The following EPHB1 variants were observed in gnomAD, a reference collection of about 807,000 sequenced individuals.
EPHB1 encodes ephrin type-B receptor 1.
Under a neutral mutation model 94.4 loss-of-function variants are expected in EPHB1, and 30 were observed. The observed-to-expected ratio is 0.32, with a 90% confidence interval of 0.24 to 0.43. EPHB1 has a LOEUF of 0.43. EPHB1 is among the 20% of genes least tolerant of loss of function. The pLI, the probability that EPHB1 is intolerant of heterozygous loss-of-function variation, is 1.00. For synonymous variants in EPHB1, 522 were observed against 489.1 expected (o/e 1.07, Z -0.89); for missense variants, 1,055 against 1,308.3 (o/e 0.81, Z 2.99).
intron 1 of EPHB1, among the ~76,000 whole-genome samples, chr3:134,834,817 G>T (rs2036643192): frequency 6.6e-6 from 1 of 152,176 alleles, no homozygotes. Context: ...CTCCACCAGA[G>T]CATTAATTTT....
intron 1 of EPHB1, among the ~76,000 whole-genome samples, chr3:134,858,109 A>T (rs1005156491): frequency 1.3e-5 from 2 of 152,064 alleles, no homozygotes; most frequent in African/African-American, 4.8e-5. Context: ...CTTCAGGCTG[A>T]GGACTCTTTC....
chr3:135,154,863 A>G (rs991888114), intron 6 of EPHB1, among the ~76,000 whole-genome samples: 5 of 152,162 alleles, frequency 3.3e-5, no homozygotes, highest in African/African-American at 1.2e-4. Flanking sequence ...GGCTGCCAAG[A>G]AAAGGGAAAT....
At chr3:135,186,005 A>G (rs1279909953) in intron 10 of EPHB1, among the ~76,000 whole-genome samples, 1 of 152,238 alleles carries the variant, frequency 6.6e-6, no homozygotes, top group African/African-American at 2.4e-5. Flanking sequence ...GTGATCAGTT[A>G]TCAGCGTTAA....
intron 10 of EPHB1, among the ~76,000 whole-genome samples, chr3:135,187,878 C>G (rs1266486395): frequency 1.3e-5 from 2 of 152,136 alleles, no homozygotes; most frequent in Non-Finnish European, 2.9e-5. Context: ...CTGCACTCCC[C>G]CTCCCAACTA....
At chr3:135,168,345 C>T (rs1462018929) in intron 9 of EPHB1, among the ~76,000 whole-genome samples, 1 of 152,252 alleles carries the variant, frequency 6.6e-6, no homozygotes, top group African/African-American at 2.4e-5. Context: ...GCCACAGGCA[C>T]AGCTCCTGCT....
At chr3:135,199,935 A>G (rs1942713390) in intron 11 of EPHB1, among the ~76,000 whole-genome samples, 1 of 152,214 alleles carries the variant, frequency 6.6e-6, no homozygotes, top group Admixed American at 6.5e-5. Flanking sequence ...ATGCTCAATG[A>G]TGGGAGCTCC....
At chr3:135,050,283 T>C (rs1216486491) in intron 3 of EPHB1, among the ~76,000 whole-genome samples, 2 of 152,224 alleles carry the variant, frequency 1.3e-5, no homozygotes, top group African/African-American at 2.4e-5. Flanking sequence ...CTTGAAAATG[T>C]AATGACCACC....
At chr3:135,087,215 T>C (rs1938390748) in intron 3 of EPHB1, among the ~76,000 whole-genome samples, 1 of 152,164 alleles carries the variant, frequency 6.6e-6, no homozygotes, top group Admixed American at 6.5e-5. Context: ...AACCGATACA[T>C]TTTTAGCCCC....
At chr3:135,067,230 G>A (rs1270723530) in intron 3 of EPHB1, among the ~76,000 whole-genome samples, 11 of 152,168 alleles carry the variant, frequency 7.2e-5, no homozygotes, top group Admixed American at 2.0e-4. Flanking sequence ...AGGCACCAGC[G>A]TGGGGAAGGG....
intron 3 of EPHB1, among the ~76,000 whole-genome samples, chr3:135,050,931 T>C (rs961452015): frequency 1.3e-5 from 2 of 152,070 alleles, no homozygotes; most frequent in African/African-American, 2.4e-5. Context: ...TGTGTGTGTG[T>C]GTGTGTGTGT....
chr3:135,168,479 G>A (rs1451714300), intron 9 of EPHB1, among the ~76,000 whole-genome samples: 1 of 152,218 alleles, frequency 6.6e-6, no homozygotes, highest in African/African-American at 2.4e-5. Context: ...GCCGGACTGT[G>A]TGCCTTGCTG....
chr3:135,059,436 G>C (rs1937433590), intron 3 of EPHB1, among the ~76,000 whole-genome samples: 1 of 152,092 alleles, frequency 6.6e-6, no homozygotes. Flanking sequence ...CTTGAGGAGT[G>C]AACTCCCACC....
intron 1 of EPHB1, among the ~76,000 whole-genome samples, chr3:134,859,505 T>C (rs1271635028): frequency 6.6e-6 from 1 of 152,176 alleles, no homozygotes; most frequent in East Asian, 1.9e-4. Context: ...AGAGGGTTCA[T>C]CCCAGGGTGT....
chr3:134,896,163 C>G (rs2038083170), intron 1 of EPHB1, among the ~76,000 whole-genome samples: 1 of 152,098 alleles, frequency 6.6e-6, no homozygotes, highest in Non-Finnish European at 1.5e-5. Context: ...TAAGCTCTAA[C>G]TAAGATGCCA....
At chr3:135,219,655 A>G (rs1943232288) in intron 12 of EPHB1, among the ~76,000 whole-genome samples, 1 of 152,358 alleles carries the variant, frequency 6.6e-6, no homozygotes, top group East Asian at 1.9e-4. Context: ...TGTTATGTTC[A>G]CTGAGTTGGC....
chr3:135,048,259 CTTT>C (rs34135757), intron 3 of EPHB1, among the ~76,000 whole-genome samples: 6 of 55,202 alleles, frequency 1.1e-4, no homozygotes, highest in African/African-American at 4.3e-4. Context: ...TTTCTTTTTT[CTTT>C]TTTTTTTTTT....
intron 3 of EPHB1, among the ~76,000 whole-genome samples, chr3:134,999,453 C>A (rs1468407331): frequency 6.6e-6 from 1 of 152,156 alleles, no homozygotes; most frequent in Non-Finnish European, 1.5e-5. Context: ...TCCTTGAGAA[C>A]AAGGGCTGCT....
intron 4 of EPHB1, among the ~76,000 whole-genome samples, chr3:135,118,305 A>G (rs1939796465): frequency 1.3e-5 from 2 of 152,220 alleles, no homozygotes; most frequent in Non-Finnish European, 2.9e-5. Context: ...GCTGATTGGA[A>G]TAAGAACACA....
At chr3:135,076,234 G>GATATATATATATATATATATAT (rs60727518) in intron 3 of EPHB1, among the ~76,000 whole-genome samples, 3 of 131,174 alleles carry the variant, frequency 2.3e-5, no homozygotes, top group African/African-American at 7.4e-5. Context: ...TCTGAAAAGG[G>GATATATATATATATATATATAT]ATATATATAT....
Sources: gnomAD v4.1 joint callset for allele counts (sites outside exome capture counted in the v4.1 genomes callset) on GRCh38, gnomAD v4.1.1 for gene constraint, MANE v1.5 for transcripts, NCBI Gene and HGNC (gene_info 2026-07-23, HGNC 2026-07-21) for gene names.